Variants in TRAPPC9 observed in about 807,000 individuals in gnomAD.
The protein encoded by TRAPPC9 is trafficking protein particle complex subunit 9.
A neutral mutation model predicts 124.0 loss-of-function variants in TRAPPC9; 83 were observed. The ratio of observed to expected loss-of-function variants is 0.67; its 90% confidence interval spans 0.56 to 0.80. The LOEUF is 0.80. Ranked by LOEUF, TRAPPC9 falls within the 30% of genes least tolerant of loss-of-function variation. TRAPPC9 has a pLI of 0.00. For missense variants in TRAPPC9, 1,302 were observed against 1,508.3 expected, an observed-to-expected ratio of 0.86 and a Z score of 2.27; for synonymous variants, 638 against 617.5, an observed-to-expected ratio of 1.03 and a Z score of -0.49.
At chr8:139,755,275 C>G (rs566341040) in intron 21 of TRAPPC9, among the ~76,000 whole-genome samples, 49 of 151,062 alleles carry the variant, frequency 3.2e-4, no homozygotes, top group African/African-American at 1.2e-3. Flanking sequence ...GGGATGAGGA[C>G]AGCGTGTCGC....
chr8:139,825,641 A>G lies in TRAPPC9; in HGVS notation c.3055+60238T>C, dbSNP rs983802523. ...AAAAAAGTCACTTCCACCCGGGGGA[A>G]ATTTCATGGCTCTGGTTTGTTTGCT... On this transcript the variant is annotated intron_variant, in intron 21 of 22. Coordinates refer to ENST00000438773, the MANE Select transcript of TRAPPC9 (RefSeq NM_001160372.4). The surrounding 1 kb of genome is among the most constrained non-coding windows in gnomAD (Gnocchi z 4.6). Among the ~76,000 whole-genome samples the G allele has an allele frequency of 1.3e-5, 2 of 152,150 alleles. No individual in the cohort carries two copies. Among genetic ancestry groups the G allele is most frequent in the Non-Finnish European group, 2.9e-5 (2 of 68,032 alleles).
chr8:140,356,100 T>G (rs1019933929), intron 9 of TRAPPC9, among the ~76,000 whole-genome samples: 1 of 152,154 alleles, frequency 6.6e-6, no homozygotes, highest in Admixed American at 6.5e-5. Context: ...CACTGAGTTC[T>G]GGACAGGAAG....
At chr8:139,737,477 C>CCCCCA (rs1266473296) in intron 21 of TRAPPC9, among the ~76,000 whole-genome samples, 3 of 130,020 alleles carry the variant, frequency 2.3e-5, no homozygotes, top group African/African-American at 8.4e-5. Flanking sequence ...CCCCCCCCCC[C>CCCCCA]CACGGAAAAC....
At chr8:139,801,923 G>C (rs77045601) in intron 21 of TRAPPC9, among the ~76,000 whole-genome samples, 8,271 of 152,254 alleles carry the variant, frequency 0.054, 334 homozygotes, top group East Asian at 0.13. Flanking sequence ...AATCCGCCAG[G>C]GAGTCTCTGA....
At chr8:139,871,473 C>T (rs1395478884) in intron 21 of TRAPPC9, among the ~76,000 whole-genome samples, 5 of 152,164 alleles carry the variant, frequency 3.3e-5, no homozygotes, top group East Asian at 3.9e-4. Flanking sequence ...CCCAGCCCCG[C>T]GAGCCAGAAG....
chr8:139,875,251 A>T (rs993312587), intron 21 of TRAPPC9, among the ~76,000 whole-genome samples: 1 of 152,062 alleles, frequency 6.6e-6, no homozygotes, highest in East Asian at 1.9e-4. Flanking sequence ...AGATGGGATG[A>T]GGTGGCCCTG....
intron 6 of TRAPPC9, among the ~76,000 whole-genome samples, chr8:140,403,661 C>CTT (rs112475588): frequency 1.4e-5 from 2 of 145,534 alleles, no homozygotes; most frequent in African/African-American, 5.0e-5. Context: ...GAAAAGTATA[C>CTT]TTTTTTTTTT....
intron 13 of TRAPPC9, among the ~76,000 whole-genome samples, chr8:140,284,915 C>A (rs1283759419): frequency 6.6e-6 from 1 of 152,240 alleles, no homozygotes; most frequent in African/African-American, 2.4e-5. Context: ...AACTGGCAAA[C>A]ATTCTCCTTC....
chr8:139,782,150 C>T (rs932795305), intron 21 of TRAPPC9, among the ~76,000 whole-genome samples: 1 of 152,142 alleles, frequency 6.6e-6, no homozygotes, highest in African/African-American at 2.4e-5. Flanking sequence ...GAGGCCGAGG[C>T]AGGCAGATCA....
chr8:139,899,509 C>T (rs1349960238), intron 20 of TRAPPC9, among the ~76,000 whole-genome samples: 3 of 152,130 alleles, frequency 2.0e-5, no homozygotes, highest in Non-Finnish European at 4.4e-5. Context: ...GAAGAGGAGG[C>T]ACTGGTCTTG....
chr8:139,925,663 G>C (rs1832764410), intron 19 of TRAPPC9, among the ~76,000 whole-genome samples: 1 of 151,652 alleles, frequency 6.6e-6, no homozygotes, highest in African/African-American at 2.4e-5. Context: ...CAGGAGGATT[G>C]CTTGAACCTG....
intron 15 of TRAPPC9, among the ~76,000 whole-genome samples, chr8:140,272,558 T>C (rs1489470670): frequency 1.3e-5 from 2 of 151,306 alleles, no homozygotes; most frequent in Non-Finnish European, 2.9e-5. Flanking sequence ...TTTGCATTGC[T>C]ATAAAGGAAT....
chr8:139,988,077 T>C (rs1366479324), intron 19 of TRAPPC9, among the ~76,000 whole-genome samples: 1 of 151,322 alleles, frequency 6.6e-6, no homozygotes, highest in African/African-American at 2.4e-5. Flanking sequence ...GTTCCCAGAC[T>C]GATGCCAAAT....
intron 17 of TRAPPC9, among the ~76,000 whole-genome samples, chr8:140,113,468 C>T (rs1028707348): frequency 2.6e-5 from 4 of 152,220 alleles, no homozygotes; most frequent in South Asian, 2.1e-4. Flanking sequence ...GCAAAAATGT[C>T]GGGTGGTGAT....
chr8:140,300,228 C>T (rs1233937673), intron 11 of TRAPPC9, among the ~76,000 whole-genome samples: 1 of 152,088 alleles, frequency 6.6e-6, no homozygotes. Context: ...TGTAAACACA[C>T]ATATGCATGC....
chr8:139,858,426 G>T (rs1383034322), intron 21 of TRAPPC9, among the ~76,000 whole-genome samples: 1 of 152,222 alleles, frequency 6.6e-6, no homozygotes, highest in African/African-American at 2.4e-5. Flanking sequence ...CTCCTCCACG[G>T]CTCAGGGTGG....
intron 21 of TRAPPC9, among the ~76,000 whole-genome samples, chr8:139,848,300 T>C (rs1827229113): frequency 6.6e-6 from 1 of 152,202 alleles, no homozygotes; most frequent in African/African-American, 2.4e-5. Context: ...TAAAATACTA[T>C]TAACTGAAGC....
intron 17 of TRAPPC9, among the ~76,000 whole-genome samples, chr8:140,187,032 T>C (rs1211106741): frequency 6.6e-6 from 1 of 152,224 alleles, no homozygotes; most frequent in Non-Finnish European, 1.5e-5. Flanking sequence ...ACAGATTGCG[T>C]ATCCCTTTTC....
upstream of TRAPPC9, chr8:140,458,564 T>C (rs1424450240): frequency 1.9e-6 from 3 of 1,571,910 alleles, no homozygotes; most frequent in African/African-American, 1.4e-5. Context: ...GCTGGCACCA[T>C]GGCACTCCCG....
Sources: gnomAD v4.1 joint callset for allele counts (sites outside exome capture counted in the v4.1 genomes callset) on GRCh38, gnomAD v4.1.1 for gene constraint, Gnocchi (gnomAD v3.1) non-coding constraint, MANE v1.5 for transcripts, NCBI Gene and HGNC (gene_info 2026-07-23, HGNC 2026-07-21) for gene names.